TLR4: variants seen among roughly 807,000 people sequenced by gnomAD.
TLR4 encodes the protein toll like receptor 4.
Under a neutral mutation model 27.4 loss-of-function variants are expected in TLR4, and 17 were observed. The ratio of observed to expected loss-of-function variants is 0.62; its 90% CI spans 0.42 to 0.93. The LOEUF is 0.93. Among genes scored for constraint, TLR4 ranks in the 40% least tolerant of loss-of-function variants. The pLI is 0.00. For synonymous variants in TLR4, 363 were observed against 365.7 expected, an observed-to-expected ratio of 0.99 and a Z score of 0.08; for missense variants, 926 against 962.3, an observed-to-expected ratio of 0.96 and a Z score of 0.50.
Position 117,715,195 on chromosome 9 carries a change from GATT to G in TLR4, c.*549_*551del. The G allele has an allele frequency of 1.3e-5, 2 of 159,522 alleles. No individual in the cohort carries two copies. The highest frequency in any genetic ancestry group is 5.9e-5 in the Admixed American group (1 of 17,000). 9.9% of individuals were successfully genotyped at this position (159,522 alleles called of 1,614,324 possible). A position where few individuals can be genotyped will look rare whatever the true frequency, so the allele number is the denominator to read the frequency against. On this transcript the variant is annotated 3_prime_UTR_variant, in exon 3 of 3. Transcript: ENST00000355622. ...TAGTGGCTAATTCCTAAGGAAACCT[GATT>G]AACACATGCTCACAACCATCCTGGT...
chr9:117,710,435 G>C (rs1272285421), intron 2 of TLR4, among the ~76,000 whole-genome samples: 1 of 150,728 alleles, frequency 6.6e-6, no homozygotes, highest in Non-Finnish European at 1.5e-5. Context: ...ACTCTATTAA[G>C]GTAGACCACC....
rs1386877543 is a variant in TLR4 at position 117,719,726 on chromosome 9, A to T, written c.*5078A>T. 6.6e-6 allele frequency: 1 copy of T among 152,148 alleles called. No individual in the cohort carries two copies. The highest frequency in any genetic ancestry group is 1.5e-5 in the Non-Finnish European group (1 of 68,016). 9.4% of individuals were successfully genotyped at this position (152,148 alleles called of 1,614,324 possible). On this transcript the variant is annotated 3_prime_UTR_variant, in exon 3 of 3. Coordinates refer to ENST00000355622, the MANE Select transcript of TLR4 (RefSeq NM_138554.5). Reference sequence around the variant, plus strand: ...AGACTTGTGATTAAACACAGAGGTTATGGGGGAAGTTCCAAAAGCTTAGGA... The same window carrying T: ...AGACTTGTGATTAAACACAGAGGTTTTGGGGGAAGTTCCAAAAGCTTAGGA...
chr9:117,713,934 G>GGTCT lies in TLR4; in HGVS notation c.1807_1808insTCTG (p.Glu603ValfsTer2). The GGTCT allele has an allele frequency of 6.2e-7, 1 of 1,614,054 alleles. No homozygotes were observed. Among genetic ancestry groups the GGTCT allele is most frequent in the Non-Finnish European group, 8.5e-7 (1 of 1,180,012 alleles). ...TCAAGGACCAGAGGCAGCTCTTGGT[G>GGTCT]GAAGTTGAACGAATGGAATGTGCAA... On this transcript the variant is annotated frameshift_variant, in exon 3 of 3. Coordinates refer to ENST00000355622, the MANE Select transcript of TLR4 (RefSeq NM_138554.5). LOFTEE classifies it high-confidence loss of function.
Position 117,714,947 on chromosome 9 carries a change from C to G in TLR4, c.*299C>G. ...TCAAGTTGAATAAAGACAGAGAAAA[C>G]AGAAAGAGACATTGTTCTTTTCCTG... On this transcript the variant is annotated 3_prime_UTR_variant, in exon 3 of 3. Transcript: ENST00000355622. The G allele has an allele frequency of 2.3e-6, 1 of 428,086 alleles. No individual in the cohort carries two copies. The highest frequency in any genetic ancestry group is 4.4e-5 in the East Asian group (1 of 22,544). 26.5% of individuals were successfully genotyped at this position (428,086 alleles called of 1,614,324 possible).
At chr9:117,705,640 G>A (rs1011200990) in intron 1 of TLR4, among the ~76,000 whole-genome samples, 1 of 152,142 alleles carries the variant, frequency 6.6e-6, no homozygotes, top group East Asian at 1.9e-4. Flanking sequence ...TAGTTCCACT[G>A]TAAGGCAGGC....
Position 117,722,322 on chromosome 9 carries a change from T to C in TLR4, c.*7674T>C, listed in dbSNP as rs1038161247. The C allele has an allele frequency of 1.3e-5, 2 of 152,088 alleles. No individual in the cohort carries two copies. The highest frequency in any genetic ancestry group is 2.9e-5 in the Non-Finnish European group (2 of 68,014). The allele number at this position is 152,088 out of a possible 1,614,324, so 9.4% of individuals were successfully genotyped here. ...CCAGAAACTCCTTTTTCCTTATCGT[T>C]GAGGGGAATTGGGGAAGTGATCACT... On this transcript the variant is annotated 3_prime_UTR_variant, in exon 3 of 3. Transcript: ENST00000355622.
chr9:117,713,538 GT>G lies in TLR4; in HGVS notation c.1411del (p.Ser471ProfsTer6). 1 of 1,612,796 alleles carries G rather than the reference GT, an allele frequency of 6.2e-7. No individual in the cohort carries two copies. Among genetic ancestry groups the G allele is most frequent in the South Asian group, 1.1e-5 (1 of 91,070 alleles). ...CTTTCAATGGCATCTTCAATGGCTT[GT>G]CCAGTCTCGAAGTCTTGAAAATGGC... is the stretch of plus-strand genomic sequence containing the variant. ...VAFNGIFNGLSSLEVLKMAGN... is the reference protein window; with the variant it reads ...VAFNGIFNGLXSLEVLKMAGN... On this transcript the variant is annotated frameshift_variant, in exon 3 of 3. Coordinates refer to ENST00000355622, the MANE Select transcript of TLR4 (RefSeq NM_138554.5). LOFTEE classifies it low-confidence loss of function (END_TRUNC).
rs201400532 is a variant in TLR4 at position 117,714,856 on chromosome 9, G to T, written c.*208G>T. 36 of 596,290 alleles carry T rather than the reference G, an allele frequency of 6.0e-5. No individual in the cohort carries two copies. The South Asian group carries it at 7.3e-4, about 12-fold the overall frequency. The allele number at this position is 596,290 out of a possible 1,614,324, so 36.9% of individuals were successfully genotyped here. A position where few individuals can be genotyped will look rare whatever the true frequency, so the allele number is the denominator to read the frequency against. On this transcript the variant is annotated 3_prime_UTR_variant, in exon 3 of 3. Coordinates refer to ENST00000355622, the MANE Select transcript of TLR4 (RefSeq NM_138554.5). ...TAGACTAAAATACAGAGTCTTCCAG[G>T]TGGGCATTTCAACCAACTCAGTCAA...
rs1307729050 is a variant in TLR4, at chr9:117,715,667, G to A, written c.*1019G>A. The stretch of plus-strand genomic sequence containing the variant: ...CCTCATGAAATGAGTTGCAGCAGAA[G>A]TTTATTTTTTTCAGAACAAGTGATG... On this transcript the variant is annotated 3_prime_UTR_variant, in exon 3 of 3. Coordinates refer to ENST00000355622, the MANE Select transcript of TLR4 (RefSeq NM_138554.5). The A allele has an allele frequency of 1.3e-5, 2 of 152,124 alleles. No individual in the cohort carries two copies. The highest frequency in any genetic ancestry group is 2.9e-5 in the Non-Finnish European group (2 of 68,024). The allele number at this position is 152,124 out of a possible 1,614,324, so 9.4% of individuals were successfully genotyped here.
chr9:117,722,327 G>T lies in TLR4; in HGVS notation c.*7679G>T, dbSNP rs1420981714. ...AACTCCTTTTTCCTTATCGTTGAGG[G>T]GAATTGGGGAAGTGATCACTGACGG... On this transcript the variant is annotated 3_prime_UTR_variant, in exon 3 of 3. Transcript: ENST00000355622. The T allele has an allele frequency of 6.6e-6, 1 of 152,138 alleles. No individual in the cohort carries two copies. Among genetic ancestry groups the T allele is most frequent in the Non-Finnish European group, 1.5e-5 (1 of 68,040 alleles). 9.4% of individuals were successfully genotyped at this position (152,138 alleles called of 1,614,324 possible).
chr9:117,713,093 G>A lies in TLR4; in HGVS notation c.965G>A (p.Arg322Lys), dbSNP rs200308453. The A allele has an allele frequency of 3.1e-6, 5 of 1,613,226 alleles. No individual in the cohort carries two copies. In the East Asian group the frequency reaches 8.9e-5, roughly 29 times the overall value. The change falls in exon 3 of 3, where the codon AGG becomes AAG. Residue 322 changes from arginine to lysine, a missense_variant. Physicochemically the swap from Arg to Lys is conservative, Grantham distance 26. Coordinates refer to ENST00000355622, the MANE Select transcript of TLR4 (RefSeq NM_138554.5). ...TCCCTGGTGAGTGTGACTATTGAAAGGGTAAAAGACTTTTCTTATAATTTC... is the reference window on the plus strand; with the variant it reads ...TCCCTGGTGAGTGTGACTATTGAAAAGGTAAAAGACTTTTCTTATAATTTC... ...SFSLVSVTIE[R>K]VKDFSYNFGW...
chr9:117,724,584 G>T lies in TLR4; in HGVS notation c.*9936G>T, dbSNP rs552386687. The T allele has an allele frequency of 6.6e-6, 1 of 152,014 alleles. No individual in the cohort carries two copies. The allele number at this position is 152,014 out of a possible 1,614,324, so 9.4% of individuals were successfully genotyped here. On this transcript the variant is annotated 3_prime_UTR_variant, in exon 3 of 3. Coordinates refer to ENST00000355622, the MANE Select transcript of TLR4 (RefSeq NM_138554.5). ...TTCTCATGTATTAGAGAGAACAAAA[G>T]CTTTGGGAATCAGACAGATCTGTGT...
At position 117,714,581 on chromosome 9, in the gene TLR4, GTAAATCATGGA is replaced by G. The variant is rs763723572; in HGVS notation, c.2454_2464del (p.Lys819SerfsTer40). On this transcript the variant is annotated frameshift_variant, in exon 3 of 3. Coordinates refer to ENST00000355622, the MANE Select transcript of TLR4 (RefSeq NM_138554.5). LOFTEE classifies it low-confidence loss of function (END_TRUNC). ...CGACTCAGAAAAGCCCTGCTGGATG[GTAAATCATGGA>G]ATCCAGAAGGAACAGTGGGTACAGG... The G allele has an allele frequency of 1.2e-6, 2 of 1,613,774 alleles. No homozygotes were observed. Among genetic ancestry groups the G allele is most frequent in the South Asian group, 2.2e-5 (2 of 91,066 alleles).
chr9:117,717,149 G>T lies in TLR4; in HGVS notation c.*2501G>T, dbSNP rs1362200030. ...CGCATGATCATATCTGTATAGAAGA[G>T]AGTGTGATTATATTTCTTGAAGAAT... On this transcript the variant is annotated 3_prime_UTR_variant, in exon 3 of 3. Coordinates refer to ENST00000355622, the MANE Select transcript of TLR4 (RefSeq NM_138554.5). 1.3e-5 allele frequency: 2 copies of T among 152,108 alleles called. No homozygotes were observed. Among genetic ancestry groups the T allele is most frequent in the Non-Finnish European group, 2.9e-5 (2 of 68,018 alleles). The allele number at this position is 152,108 out of a possible 1,614,324, so 9.4% of individuals were successfully genotyped here.
At position 117,714,342 on chromosome 9, in the gene TLR4, C is replaced by G; in HGVS notation, c.2214C>G (p.Ser738=). 6.2e-7 allele frequency: 1 copy of G among 1,600,790 alleles called. No individual in the cohort carries two copies. The highest frequency in any genetic ancestry group is 1.1e-5 in the South Asian group (1 of 90,738). Residue 738 remains serine (S), a synonymous_variant, in exon 3 of 3, where the codon TCC becomes TCG. Transcript: ENST00000355622. ...GCCGAAAGGTGATTGTTGTGGTGTC[C>G]CAGCACTTCATCCAGAGCCGCTGGT... ...HKSRKVIVVV[S]QHFIQSRWCI...
rs1168234598 is a variant in TLR4, at chr9:117,708,685, T to C, written c.216T>C (p.Tyr72=). 1 of 1,613,848 alleles carries C rather than the reference T, an allele frequency of 6.2e-7. No homozygotes were observed. Among genetic ancestry groups the C allele is most frequent in the Non-Finnish European group, 8.5e-7 (1 of 1,179,868 alleles). Residue 72 remains tyrosine (Y), a synonymous_variant, in exon 2 of 3, where the codon TAT becomes TAC. Coordinates refer to ENST00000355622, the MANE Select transcript of TLR4 (RefSeq NM_138554.5). ...ATCCCCTGAGGCATTTAGGCAGCTATAGCTTCTTCAGTTTCCCAGAACTGC... is the reference window on the plus strand; with the variant it reads ...ATCCCCTGAGGCATTTAGGCAGCTACAGCTTCTTCAGTTTCCCAGAACTGC... The part of the protein sequence containing the change: ...SFNPLRHLGS[Y]SFFSFPELQV...
In TLR4 at chr9:117,714,772, G is replaced by A. The variant is rs1829314299; in HGVS notation, c.*124G>A. 2.4e-6 allele frequency: 2 copies of A among 826,220 alleles called. No homozygotes were observed. The highest frequency in any genetic ancestry group is 1.4e-5 in the South Asian group (1 of 69,912). 51.2% of individuals were successfully genotyped at this position (826,220 alleles called of 1,614,324 possible). ...TGCTAAGGGTGAGTAATTCCATGGT[G>A]CACTAGATATGCAGGGCTGCTAATC... is the stretch of plus-strand genomic sequence containing the variant. On this transcript the variant is annotated 3_prime_UTR_variant, in exon 3 of 3. Transcript: ENST00000355622.
chr9:117,713,569 A>G lies in TLR4; in HGVS notation c.1441A>G (p.Asn481Asp), dbSNP rs1346126850. The change falls in exon 3 of 3, where the codon AAT becomes GAT. Residue 481 changes from asparagine to aspartate, a missense_variant. Asn to Asp is a conservative substitution (Grantham distance 23). Transcript: ENST00000355622. ...SSLEVLKMAG[N>D]SFQENFLPDI... Reference sequence around the variant, plus strand: ...TCTCGAAGTCTTGAAAATGGCTGGCAATTCTTTCCAGGAAAACTTCCTTCC... The same window carrying G: ...TCTCGAAGTCTTGAAAATGGCTGGCGATTCTTTCCAGGAAAACTTCCTTCC... The G allele has an allele frequency of 1.2e-6, 2 of 1,613,960 alleles. No homozygotes were observed. The highest frequency in any genetic ancestry group is 1.3e-5 in the African/African-American group (1 of 74,912).
rs1829103238 is a variant in TLR4, at chr9:117,704,544, A to C, written c.72A>C (p.Glu24Asp). 6.2e-7 allele frequency: 1 copy of C among 1,613,864 alleles called. No individual in the cohort carries two copies. The highest frequency in any genetic ancestry group is 2.2e-5 in the East Asian group (1 of 44,844). ...CCTTCCTCTCCTGCGTGAGACCAGA[A>C]AGCTGGGAGCCCTGCGTGGAGGTAT... ...AMAFLSCVRP[E>D]SWEPCVEVVP... The change falls in exon 1 of 3, where the codon GAA becomes GAC. Residue 24 changes from glutamate (E) to aspartate (D), a missense_variant. Glu to Asp is a conservative substitution (Grantham distance 45). Coordinates refer to ENST00000355622, the MANE Select transcript of TLR4 (RefSeq NM_138554.5).
Sources: allele counts gnomAD v4.1 joint callset (sites outside exome capture counted in the v4.1 genomes callset), GRCh38; gene constraint gnomAD v4.1.1; transcripts MANE v1.5; gene names NCBI Gene and HGNC (gene_info 2026-07-23, HGNC 2026-07-21).